IQGAP2: variants seen among roughly 807,000 people sequenced by gnomAD.
IQGAP2 encodes ras GTPase-activating-like protein IQGAP2.
In IQGAP2, 173 loss-of-function variants were observed where a neutral mutation model predicts 201.3. The ratio of observed to expected loss-of-function variants is 0.86; its 90% CI spans 0.76 to 0.98. IQGAP2 has a LOEUF of 0.98. IQGAP2 is among the 50% of genes least tolerant of loss of function. IQGAP2 has a pLI of 0.00. For synonymous variants in IQGAP2, 675 were observed against 673.9 expected (o/e 1.00, Z -0.03); for missense variants, 1,687 against 1,864.8 (o/e 0.90, Z 1.76).
intron 22 of IQGAP2, among the ~76,000 whole-genome samples, chr5:76,665,423 C>T (rs543123099): frequency 5.3e-5 from 8 of 152,308 alleles, no homozygotes; most frequent in African/African-American, 1.7e-4. Context: ...AACTGAGACA[C>T]AGCCAGTAAA....
rs141290804 is a variant in IQGAP2, at chr5:76,461,622, G to A, written c.99G>A (p.Arg33=). ...LSAEEMDERR[R]QNIAYEYLCH... ...CAGAGGAGATGGATGAGAGGAGGCG[G>A]CAGAACATTGCTTATGAATATCTGT... Residue 33 remains arginine, a synonymous_variant, in exon 2 of 36, where the codon CGG becomes CGA. Coordinates refer to ENST00000274364, the MANE Select transcript of IQGAP2 (RefSeq NM_006633.5). 4.3e-6 allele frequency: 7 copies of A among 1,613,886 alleles called. No homozygotes were observed. Among genetic ancestry groups the A allele is most frequent in the African/African-American group, 1.3e-5 (1 of 74,912 alleles).
intron 17 of IQGAP2, among the ~76,000 whole-genome samples, chr5:76,647,020 C>G (rs1213677696): frequency 6.6e-6 from 1 of 152,020 alleles, no homozygotes; most frequent in Admixed American, 6.6e-5. Context: ...ATTGACACTT[C>G]TGATTTTTTT....
rs565860955 is a variant in IQGAP2 at position 76,513,076 on chromosome 5, A to C, written c.147-49320A>C. On this transcript the variant is annotated intron_variant, in intron 2 of 35. Coordinates refer to ENST00000274364, the MANE Select transcript of IQGAP2 (RefSeq NM_006633.5). ...TCTCAAAAAGAAAAAAAAAAAGAAA[A>C]AAGAAAAGAAATGTTACTTTTGCAC... Among the ~76,000 whole-genome samples the C allele has an allele frequency of 3.3e-5, 5 of 152,110 alleles. No homozygotes were observed. In the South Asian group the frequency reaches 1.0e-3, roughly 32 times the overall value.
At chr5:76,684,557 A>G (rs1056094295) in intron 30 of IQGAP2, among the ~76,000 whole-genome samples, 4 of 152,348 alleles carry the variant, frequency 2.6e-5, no homozygotes, top group Middle Eastern at 3.4e-3. Flanking sequence ...ACCATAAATC[A>G]AAAGCACCCG....
At chr5:76,550,866 G>A (rs963770167) in intron 2 of IQGAP2, among the ~76,000 whole-genome samples, 5 of 152,214 alleles carry the variant, frequency 3.3e-5, no homozygotes, top group Admixed American at 6.5e-5. Flanking sequence ...GAGCTGTTGG[G>A]TACACCTCCT....
At chr5:76,410,311 T>G (rs530581408) in intron 1 of IQGAP2, among the ~76,000 whole-genome samples, 1 of 152,272 alleles carries the variant, frequency 6.6e-6, no homozygotes, top group South Asian at 2.1e-4. Flanking sequence ...AATCTTCTAT[T>G]TATATAGGCA....
intron 16 of IQGAP2, among the ~76,000 whole-genome samples, chr5:76,638,798 G>C (rs1751344148): frequency 6.6e-6 from 1 of 152,178 alleles, no homozygotes; most frequent in Non-Finnish European, 1.5e-5. Flanking sequence ...GCTTGGTGAG[G>C]CTTTCCTGAA....
intron 1 of IQGAP2, among the ~76,000 whole-genome samples, chr5:76,435,708 C>T (rs2150096772): frequency 6.6e-6 from 1 of 151,832 alleles, no homozygotes; most frequent in African/African-American, 2.4e-5. Flanking sequence ...ATTTTTTTTT[C>T]TAGTCATGTG....
At chr5:76,414,847 T>A (rs1751326164) in intron 1 of IQGAP2, among the ~76,000 whole-genome samples, 1 of 152,200 alleles carries the variant, frequency 6.6e-6, no homozygotes, top group South Asian at 2.1e-4. Context: ...GCTTGCTTAT[T>A]CCTCTTCACT....
chr5:76,533,170 T>C (rs1759415346), intron 2 of IQGAP2, among the ~76,000 whole-genome samples: 1 of 151,152 alleles, frequency 6.6e-6, no homozygotes, highest in African/African-American at 2.4e-5. Context: ...AGATGGGTGT[T>C]TTTTTTTTAA....
chr5:76,528,295 G>C (rs1428196341), intron 2 of IQGAP2, among the ~76,000 whole-genome samples: 2 of 152,124 alleles, frequency 1.3e-5, no homozygotes, highest in African/African-American at 4.8e-5. Context: ...TTGGTCTTCT[G>C]TTATTTCACA....
In IQGAP2 at chr5:76,562,492, C is replaced by A. The variant is rs1744449594; in HGVS notation, c.243C>A (p.Phe81Leu). 2.5e-6 allele frequency: 4 copies of A among 1,614,022 alleles called. No individual in the cohort carries two copies. Among genetic ancestry groups the A allele is most frequent in the Non-Finnish European group, 3.4e-6 (4 of 1,179,904 alleles). ...TTTACCTTGCAAAGTTAGCCAAGTT[C>A]TTTGCCCCGAAAATGGTATCAGAGA... ...NGVYLAKLAK[F>L]FAPKMVSEKK... Residue 81 changes from phenylalanine to leucine, a missense_variant, in exon 3 of 36, where the codon TTC (phenylalanine) becomes TTA (leucine). Phe to Leu is a conservative substitution (Grantham distance 22, BLOSUM62 0). Coordinates refer to ENST00000274364, the MANE Select transcript of IQGAP2 (RefSeq NM_006633.5).
intron 1 of IQGAP2, among the ~76,000 whole-genome samples, chr5:76,424,588 C>T (rs968188004): frequency 7.9e-5 from 12 of 152,118 alleles, no homozygotes; most frequent in Middle Eastern, 3.2e-3. Flanking sequence ...TGAGCCACCA[C>T]GCCCGGCCCT....
chr5:76,441,449 C>T (rs1160806049), intron 1 of IQGAP2: 6 of 971,656 alleles, frequency 6.2e-6, no homozygotes, highest in African/African-American at 1.8e-5. Flanking sequence ...GTCTAAGTCA[C>T]GGGATATGAG....
At chr5:76,681,540 A>C (rs1033499176) in intron 28 of IQGAP2, among the ~76,000 whole-genome samples, 1 of 152,060 alleles carries the variant, frequency 6.6e-6, no homozygotes, top group Admixed American at 6.5e-5. Context: ...TTTAAAAAAA[A>C]AAAAACAGAA....
At chr5:76,437,066 T>C (rs79622078) in intron 1 of IQGAP2, among the ~76,000 whole-genome samples, 1 of 151,980 alleles carries the variant, frequency 6.6e-6, no homozygotes, top group Non-Finnish European at 1.5e-5. Context: ...CTTTTTTTTT[T>C]CTTAAGACAG....
At chr5:76,473,049 T>A (rs1755205803) in intron 2 of IQGAP2, among the ~76,000 whole-genome samples, 1 of 152,226 alleles carries the variant, frequency 6.6e-6, no homozygotes, top group African/African-American at 2.4e-5. Context: ...CTTAAGTAAT[T>A]TATTCAGTGT....
At chr5:76,566,750 A>G (rs1415838234) in intron 3 of IQGAP2, among the ~76,000 whole-genome samples, 1 of 152,062 alleles carries the variant, frequency 6.6e-6, no homozygotes, top group African/African-American at 2.4e-5. Context: ...TCAAGAGGGA[A>G]AACCAAGGGT....
intron 2 of IQGAP2, chr5:76,547,440 G>A: frequency 1.0e-6 from 1 of 981,530 alleles, no homozygotes; most frequent in Non-Finnish European, 1.2e-6. Context: ...GGAAGGAGTT[G>A]TGGCAATTTA....
Sources: gnomAD v4.1 joint callset for allele counts (sites outside exome capture counted in the v4.1 genomes callset) on GRCh38, gnomAD v4.1.1 for gene constraint, MANE v1.5 for transcripts, NCBI Gene and HGNC (gene_info 2026-07-23, HGNC 2026-07-21) for gene names.